Variants in MYO5B observed in about 807,000 individuals in gnomAD.
MYO5B encodes the protein myosin VB, also known as unconventional myosin-Vb.
A neutral mutation model predicts 229.3 loss-of-function variants in MYO5B; 143 were observed. That is an observed-to-expected ratio of 0.62 (90% CI 0.54 to 0.72). The LOEUF is 0.72. Ranked by LOEUF, MYO5B falls within the 30% of genes least tolerant of loss-of-function variation. MYO5B has a pLI of 0.00. For synonymous variants in MYO5B, 918 were observed against 885.2 expected, an observed-to-expected ratio of 1.04 and a Z score of -0.66; for missense variants, 2,321 against 2,331.0, an observed-to-expected ratio of 1.00 and a Z score of 0.09.
At chr18:49,889,127 C>T (rs745890239) in intron 22 of MYO5B, among the ~76,000 whole-genome samples, 3 of 152,210 alleles carry the variant, frequency 2.0e-5, no homozygotes, top group Non-Finnish European at 4.4e-5. Context: ...ACTAAGGGCT[C>T]CCTTTAAAAT....
At position 50,108,565 on chromosome 18, in the gene MYO5B, C is replaced by T. The variant is rs1349285669; in HGVS notation, c.28-53187G>A. Among the ~76,000 whole-genome samples the T allele has an allele frequency of 2.6e-5, 4 of 152,090 alleles. No homozygotes were observed. In the East Asian group the frequency reaches 7.7e-4, roughly 29 times the overall value. On this transcript the variant is annotated intron_variant, in intron 1 of 39. Transcript: ENST00000285039. ...CTGGGTACCCAGAGCAGAAACAGGC[C>T]AAGTTCTCCAGGCAGCCTAGACCGG...
chr18:49,975,235 G>C (rs2025737457), intron 9 of MYO5B, among the ~76,000 whole-genome samples: 1 of 152,168 alleles, frequency 6.6e-6, no homozygotes, highest in Non-Finnish European at 1.5e-5. Flanking sequence ...TCCTAAGGTG[G>C]ATGGGCCCTT....
chr18:50,125,500 A>C (rs1790468), intron 1 of MYO5B, among the ~76,000 whole-genome samples: 125,432 of 151,526 alleles, frequency 0.83, 52,168 homozygotes, highest in Admixed American at 0.88. Context: ...TGTACATGTA[A>C]CCTACAACTT....
intron 8 of MYO5B, among the ~76,000 whole-genome samples, chr18:49,982,079 C>T (rs1022608564): frequency 5.3e-5 from 8 of 152,202 alleles, no homozygotes; most frequent in East Asian, 3.9e-4. Context: ...TTTTCTACTT[C>T]GTTTATCTAT....
intron 1 of MYO5B, among the ~76,000 whole-genome samples, chr18:50,130,206 T>G (rs2032232306): frequency 2.0e-5 from 3 of 152,238 alleles, no homozygotes. Context: ...GGGGGTACAA[T>G]TAAAAATACA....
Position 50,065,445 on chromosome 18 carries a change from G to A in MYO5B, c.28-10067C>T, listed in dbSNP as rs188137818. Among the ~76,000 whole-genome samples the A allele has an allele frequency of 5.2e-3, 785 of 152,276 alleles. 6 individuals are homozygous for A. The highest frequency in any genetic ancestry group is 0.017 in the African/African-American group (725 of 41,568). ...GAAACTTACAATCATGGCGGAAGGC[G>A]AAGCAGCAGCAAGCACCTTCTTCAA... On this transcript the variant is annotated intron_variant, in intron 1 of 39. Coordinates refer to ENST00000285039, the MANE Select transcript of MYO5B (RefSeq NM_001080467.3).
chr18:50,170,900 G>A (rs4267424), intron 1 of MYO5B, among the ~76,000 whole-genome samples: 76,768 of 126,726 alleles, frequency 0.61, 32,275 homozygotes, highest in Non-Finnish European at 0.75. Context: ...AGAACGTACA[G>A]GAAATTCAGC....
chr18:49,895,749 C>T (rs1384328265), intron 21 of MYO5B, among the ~76,000 whole-genome samples: 3 of 152,188 alleles, frequency 2.0e-5, no homozygotes, highest in Non-Finnish European at 4.4e-5. Flanking sequence ...GGAACTGATG[C>T]CCTGACCCAC....
chr18:49,924,872 C>T (rs935893554), intron 17 of MYO5B, among the ~76,000 whole-genome samples: 4 of 152,194 alleles, frequency 2.6e-5, no homozygotes, highest in African/African-American at 9.7e-5. Flanking sequence ...ATGACCATGC[C>T]ACAATGTCCT....
chr18:49,918,651 C>T (rs1353764211), intron 17 of MYO5B, among the ~76,000 whole-genome samples: 1 of 152,192 alleles, frequency 6.6e-6, no homozygotes, highest in African/African-American at 2.4e-5. Flanking sequence ...TTGTTCCCTA[C>T]AAGGTCTCAC....
In MYO5B at chr18:49,974,571, C is replaced by T. The variant is rs763942241; in HGVS notation, c.1101G>A (p.Val367=). 2.5e-6 allele frequency: 4 copies of T among 1,614,098 alleles called. No homozygotes were observed. The highest frequency in any genetic ancestry group is 3.4e-6 in the Non-Finnish European group (4 of 1,180,004). ...GCCAGTGCTCCATCTGACTGTGCTCCACCCCTAGCAGTCGGCAGAAGTTGC... is the reference window on the plus strand; with the variant it reads ...GCCAGTGCTCCATCTGACTGTGCTCTACCCCTAGCAGTCGGCAGAAGTTGC... ...YLSNFCRLLG[V]EHSQMEHWLC... The change falls in exon 10 of 40, where the codon GTG becomes GTA. Residue 367 remains valine (V), a synonymous_variant. Coordinates refer to ENST00000285039, the MANE Select transcript of MYO5B (RefSeq NM_001080467.3).
At chr18:50,073,256 C>T (rs565908982) in intron 1 of MYO5B, among the ~76,000 whole-genome samples, 35 of 152,302 alleles carry the variant, frequency 2.3e-4, no homozygotes, top group Admixed American at 6.5e-4. Flanking sequence ...CACCATGAGG[C>T]ATACCAGCAA....
At chr18:50,043,432 T>TATATTAAATATTAA in intron 2 of MYO5B, among the ~76,000 whole-genome samples, 1 of 116,610 alleles carries the variant, frequency 8.6e-6, no homozygotes, top group South Asian at 2.3e-4. Flanking sequence ...TATATTTAAA[T>TATATTAAATATTAA]ATATTAAATA....
chr18:49,880,294 G>GC lies in MYO5B; in HGVS notation c.3130+76dup, dbSNP rs2024572554. On this transcript the variant is annotated intron_variant, in intron 23 of 39. Coordinates refer to ENST00000285039, the MANE Select transcript of MYO5B (RefSeq NM_001080467.3). ...TAGCCTCTAGTCTAACTGCATGCTT[G>GC]CTAGGAGTCTTTGGGAGAAGTCAGT... 4.0e-6 allele frequency: 5 copies of GC among 1,235,666 alleles called. No individual in the cohort carries two copies. The East Asian group carries it at 1.2e-4, about 29-fold the overall frequency. The allele number at this position is 1,235,666 out of a possible 1,614,324, so 76.5% of individuals were successfully genotyped here. A position where few individuals can be genotyped will look rare whatever the true frequency, so the allele number is the denominator to read the frequency against.
chr18:49,863,322 C>A lies in MYO5B; in HGVS notation c.3849G>T (p.Pro1283=). ...GCCAACTTGATCTGGCATTAATGTT[C>A]GGCTCCTAGAAAGCCCCAGATAAAA... ...QRRLAGRNAE[P]NINARSSWPN... Residue 1283 remains proline (P), a synonymous_variant, in exon 29 of 40, where the codon CCG becomes CCT. Coordinates refer to ENST00000285039, the MANE Select transcript of MYO5B (RefSeq NM_001080467.3). The A allele has an allele frequency of 6.2e-7, 1 of 1,613,626 alleles. No homozygotes were observed. The highest frequency in any genetic ancestry group is 8.5e-7 in the Non-Finnish European group (1 of 1,179,940).
intron 1 of MYO5B, among the ~76,000 whole-genome samples, chr18:50,166,149 C>T (rs1790461): frequency 0.97 from 147,870 of 152,284 alleles, 71,945 homozygotes; most frequent in East Asian, 1. Flanking sequence ...TTAGTTAGTA[C>T]GCCCTTCATA....
At chr18:49,892,631 T>C (rs2024728555) in intron 22 of MYO5B, among the ~76,000 whole-genome samples, 1 of 152,122 alleles carries the variant, frequency 6.6e-6, no homozygotes, top group Admixed American at 6.5e-5. Context: ...TTATTGAAAT[T>C]GACACAGTGC....
intron 9 of MYO5B, 60 bp from the exon 10 acceptor site, chr18:49,974,675 AAT>A (rs1221073517): frequency 3.8e-6 from 6 of 1,572,420 alleles, no homozygotes; most frequent in Non-Finnish European, 5.2e-6. Flanking sequence ...GCCCCCCACC[AAT>A]GTCTTCCACC....
At chr18:50,042,267 C>T (rs1026940221) in intron 2 of MYO5B, among the ~76,000 whole-genome samples, 1 of 151,992 alleles carries the variant, frequency 6.6e-6, no homozygotes, top group Non-Finnish European at 1.5e-5. Flanking sequence ...ACTACAGGGA[C>T]AGTCAGGCAG....
Sources: gnomAD v4.1 joint callset for allele counts (sites outside exome capture counted in the v4.1 genomes callset) on GRCh38, gnomAD v4.1.1 for gene constraint, MANE v1.5 for transcripts, NCBI Gene and HGNC (gene_info 2026-07-23, HGNC 2026-07-21) for gene names.